Variants in PCDHGB6 observed in about 807,000 individuals in gnomAD.
PCDHGB6 encodes protocadherin gamma subfamily B, 6, also known as protocadherin gamma-B6.
Under a neutral mutation model 59.1 loss-of-function variants are expected in PCDHGB6, and 51 were observed. That is an observed-to-expected ratio of 0.86 (90% CI 0.69 to 1.09). The LOEUF (loss-of-function observed/expected upper bound fraction) is 1.09, where lower values mean the gene tolerates loss of function less well. PCDHGB6 is among the 50% of genes least tolerant of loss of function. The pLI is 0.00. For synonymous variants in PCDHGB6, 466 were observed against 495.1 expected (o/e 0.94, Z 0.78); for missense variants, 1,148 against 1,205.1 (o/e 0.95, Z 0.70).
chr5:141,443,118 C>A (rs1474257262), intron 1 of PCDHGB6, among the ~76,000 whole-genome samples: 1 of 151,762 alleles, frequency 6.6e-6, no homozygotes, highest in Non-Finnish European at 1.5e-5. Flanking sequence ...GCTTTTCAAA[C>A]CAGATTAAGA....
chr5:141,476,535 T>C lies in PCDHGB6; in HGVS notation c.2419-18272T>C. 5 of 1,614,038 alleles carry C rather than the reference T, an allele frequency of 3.1e-6. No individual in the cohort carries two copies. The highest frequency in any genetic ancestry group is 4.2e-6 in the Non-Finnish European group (5 of 1,180,010). On this transcript the variant is annotated intron_variant, in intron 1 of 3. Coordinates refer to ENST00000520790, the MANE Select transcript of PCDHGB6 (RefSeq NM_018926.3). The surrounding 1 kb of genome is among the most constrained non-coding windows in gnomAD (Gnocchi z 7.6). ...AATCCTGCTTTCCCTACCCAGGAAA[T>C]GAAATTGGAGATTAGCGAGGCCGTG...
chr5:141,415,730 G>A lies in PCDHGB6; in HGVS notation c.2418+5110G>A. On this transcript the variant is annotated intron_variant, in intron 1 of 3. Transcript: ENST00000520790. Reference sequence around the variant, plus strand: ...AAAACACTGATGAGTAGAATTTGATGTTTATTAAGGTTTTTTTTTTTTTTT... The same window carrying A: ...AAAACACTGATGAGTAGAATTTGATATTTATTAAGGTTTTTTTTTTTTTTT... 4 of 476,826 alleles carry A rather than the reference G, an allele frequency of 8.4e-6. No individual in the cohort carries two copies. The South Asian group carries it at 2.0e-4, about 24-fold the overall frequency. The allele number at this position is 476,826 out of a possible 1,614,324, so 29.5% of individuals were successfully genotyped here. A position where few individuals can be genotyped will look rare whatever the true frequency, so the allele number is the denominator to read the frequency against.
At chr5:141,478,019 C>T in intron 1 of PCDHGB6, 1 of 1,614,136 alleles carries the variant, frequency 6.2e-7, no homozygotes, top group Non-Finnish European at 8.5e-7. Flanking sequence ...CCGTCCAGTC[C>T]AAGACACAGA....
chr5:141,423,564 G>A (rs2096754933), intron 1 of PCDHGB6: 2 of 1,613,444 alleles, frequency 1.2e-6, no homozygotes, highest in Non-Finnish European at 1.7e-6. Context: ...ATGGGGACAC[G>A]CTCATCAGCC....
At position 141,491,290 on chromosome 5, in the gene PCDHGB6, C is replaced by T. The variant is rs747758229; in HGVS notation, c.2419-3517C>T. Reference sequence around the variant, plus strand: ...CAAATCCAGTGACTTCCTCATACACCCTCCTGAGCGTTCAGACCTTACCCT... The same window carrying T: ...CAAATCCAGTGACTTCCTCATACACTCTCCTGAGCGTTCAGACCTTACCCT... On this transcript the variant is annotated intron_variant, in intron 1 of 3. Coordinates refer to ENST00000520790, the MANE Select transcript of PCDHGB6 (RefSeq NM_018926.3). The surrounding 1 kb of genome is among the most constrained non-coding windows in gnomAD (Gnocchi z 6.9). 6.2e-7 allele frequency: 1 copy of T among 1,613,974 alleles called. No homozygotes were observed. Among genetic ancestry groups the T allele is most frequent in the Non-Finnish European group, 8.5e-7 (1 of 1,179,952 alleles).
rs115237553 is a variant in PCDHGB6, at chr5:141,476,478, T to A, written c.2419-18329T>A. 1.3e-4 allele frequency: 203 copies of A among 1,613,844 alleles called. 2 individuals are homozygous for A. The African/African-American group carries it at 2.5e-3, about 20-fold the overall frequency. Reference sequence around the variant, plus strand: ...GAGAACCCGCTGGAGCTGTTCAGCGTGGAAGTGGTGATCCAGGACATCAAC... The same window carrying A: ...GAGAACCCGCTGGAGCTGTTCAGCGAGGAAGTGGTGATCCAGGACATCAAC... On this transcript the variant is annotated intron_variant, in intron 1 of 3. Transcript: ENST00000520790. The surrounding 1 kb of genome is among the most constrained non-coding windows in gnomAD (Gnocchi z 7.6).
chr5:141,434,981 T>C (rs2097734526), intron 1 of PCDHGB6, among the ~76,000 whole-genome samples: 1 of 152,054 alleles, frequency 6.6e-6, no homozygotes. Flanking sequence ...GTTAATACTC[T>C]ATATCATTTT....
In PCDHGB6 at chr5:141,418,448, C is replaced by T. The variant is rs1240295197; in HGVS notation, c.2418+7828C>T. On this transcript the variant is annotated intron_variant, in intron 1 of 3. Transcript: ENST00000520790. ...TGGCAAATATCCAGAATTAGTATTG[C>T]AGAAGACTCTGGACCGAGAAACGCA... 1.9e-6 allele frequency: 3 copies of T among 1,613,850 alleles called. No homozygotes were observed. The African/African-American group carries it at 4.0e-5, about 22-fold the overall frequency.
intron 1 of PCDHGB6, among the ~76,000 whole-genome samples, chr5:141,443,728 C>A (rs1434984241): frequency 1.3e-5 from 2 of 152,060 alleles, no homozygotes; most frequent in African/African-American, 2.4e-5. Flanking sequence ...ATTCCTCATA[C>A]ATTTCCCTAT....
chr5:141,473,263 T>C (rs2099318134), intron 1 of PCDHGB6, among the ~76,000 whole-genome samples: 1 of 152,210 alleles, frequency 6.6e-6, no homozygotes, highest in African/African-American at 2.4e-5. Context: ...GTCCTTAGTG[T>C]ATGCTATGAT....
chr5:141,500,367 C>A (rs953610460), intron 2 of PCDHGB6, among the ~76,000 whole-genome samples: 7 of 151,940 alleles, frequency 4.6e-5, no homozygotes, highest in African/African-American at 1.7e-4. Context: ...CACTACCACG[C>A]CCGGCTAATT....
intron 1 of PCDHGB6, chr5:141,418,643 C>A (rs188546091): frequency 2.9e-5 from 46 of 1,614,022 alleles, no homozygotes; most frequent in Admixed American, 6.7e-5. Context: ...CACCTCCATC[C>A]TGAGAGTGAA....
intron 1 of PCDHGB6, chr5:141,478,450 AGCCAGTCCACTGGCCAGCC>A (rs1562070520): frequency 6.2e-7 from 1 of 1,613,572 alleles, no homozygotes. Context: ...AACCTGGTGC[AGCCAGTCCACTGGCCAGCC>A]GCCAGAACAC....
chr5:141,410,083 C>T lies in PCDHGB6; in HGVS notation c.1881C>T (p.Arg627=), dbSNP rs752701599. 6.3e-5 allele frequency: 102 copies of T among 1,612,590 alleles called. No individual in the cohort carries two copies. Among genetic ancestry groups the T allele is most frequent in the Non-Finnish European group, 4.7e-5 (56 of 1,179,682 alleles). ...FSLGLRTGEV[R]TARALGDRDA... ...TGGGGCTGCGCACTGGGGAGGTGCGCACGGCTCGAGCCTTAGGCGACAGGG... is the reference window on the plus strand; with the variant it reads ...TGGGGCTGCGCACTGGGGAGGTGCGTACGGCTCGAGCCTTAGGCGACAGGG... The change falls in exon 1 of 4, where the codon CGC becomes CGT. Residue 627 remains arginine, a synonymous_variant. Coordinates refer to ENST00000520790, the MANE Select transcript of PCDHGB6 (RefSeq NM_018926.3).
In PCDHGB6 at chr5:141,477,877, C is replaced by A; in HGVS notation, c.2419-16930C>A. 1 of 1,614,170 alleles carries A rather than the reference C, an allele frequency of 6.2e-7. No homozygotes were observed. The highest frequency in any genetic ancestry group is 8.5e-7 in the Non-Finnish European group (1 of 1,180,036). On this transcript the variant is annotated intron_variant, in intron 1 of 3. Transcript: ENST00000520790. This position sits in a 1 kb window ranked among gnomAD's most constrained non-coding sequence, Gnocchi z 4.9. The stretch of plus-strand genomic sequence containing the variant: ...TGCTGCCTCGAGGTACCTCAGCTGG[C>A]CACCTAGTGTCACGGGTGGTAGGCT...
In PCDHGB6 at chr5:141,408,849, A is replaced by G. The variant is rs764977493; in HGVS notation, c.647A>G (p.Asp216Gly). The part of the protein sequence containing the change: ...RSHSLILTAL[D>G]GGDPPRSATA... ...CATAGCTTGATATTGACTGCCTTGG[A>G]CGGAGGGGACCCACCAAGAAGTGCC... is the stretch of plus-strand genomic sequence containing the variant. The change falls in exon 1 of 4, where the codon GAC becomes GGC. Residue 216 changes from aspartate to glycine, a missense_variant. Physicochemically the swap from Asp to Gly is moderately conservative, Grantham distance 94. Coordinates refer to ENST00000520790, the MANE Select transcript of PCDHGB6 (RefSeq NM_018926.3). 1 of 1,613,610 alleles carries G rather than the reference A, an allele frequency of 6.2e-7. No individual in the cohort carries two copies. Among genetic ancestry groups the G allele is most frequent in the South Asian group, 1.1e-5 (1 of 91,016 alleles).
At position 141,487,444 on chromosome 5, in the gene PCDHGB6, T is replaced by G; in HGVS notation, c.2419-7363T>G. 1 of 1,614,194 alleles carries G rather than the reference T, an allele frequency of 6.2e-7. No individual in the cohort carries two copies. The highest frequency in any genetic ancestry group is 8.5e-7 in the Non-Finnish European group (1 of 1,180,040). ...TCCTCCGAATCCAGCTAGGGTCAGA[T>G]GACCCTATCAAGTTTGTTGATGTGG... On this transcript the variant is annotated intron_variant, in intron 1 of 3. Transcript: ENST00000520790. This position sits in a 1 kb window ranked among gnomAD's most constrained non-coding sequence, Gnocchi z 5.0.
intron 1 of PCDHGB6, among the ~76,000 whole-genome samples, chr5:141,453,288 A>AT (rs2098760999): frequency 2.0e-5 from 3 of 151,342 alleles, no homozygotes; most frequent in African/African-American, 7.3e-5. Flanking sequence ...TAATTTTTTA[A>AT]TTATTTATTT....
chr5:141,410,778 G>T, intron 1 of PCDHGB6, 158 bp downstream of exon 1: 3 of 818,726 alleles, frequency 3.7e-6, no homozygotes, highest in Non-Finnish European at 3.4e-6. Flanking sequence ...TTTTCACTAT[G>T]TATTTGGTTC....
Sources: gnomAD v4.1 joint callset for allele counts (sites outside exome capture counted in the v4.1 genomes callset) on GRCh38, gnomAD v4.1.1 for gene constraint, Gnocchi (gnomAD v3.1) non-coding constraint, MANE v1.5 for transcripts, NCBI Gene and HGNC (gene_info 2026-07-23, HGNC 2026-07-21) for gene names.